RUNX3: variants seen among roughly 807,000 people sequenced by gnomAD.
RUNX3 encodes the protein RUNX family transcription factor 3, also known as runt-related transcription factor 3.
In RUNX3, 10 loss-of-function variants were observed where a neutral mutation model predicts 27.7. That is an observed-to-expected ratio of 0.36 (90% CI 0.22 to 0.61). The LOEUF is 0.61. RUNX3 is among the 20% of genes least tolerant of loss of function. The pLI is 0.72. For missense variants in RUNX3, 469 were observed against 629.5 expected, an observed-to-expected ratio of 0.75 and a Z score of 2.73; for synonymous variants, 270 against 269.2, an observed-to-expected ratio of 1.00 and a Z score of -0.03.
chr1:24,929,629 G>A lies in RUNX3; in HGVS notation c.240C>T (p.Pro80=). 1 of 1,608,986 alleles carries A rather than the reference G, an allele frequency of 6.2e-7. No individual in the cohort carries two copies. The highest frequency in any genetic ancestry group is 8.5e-7 in the Non-Finnish European group (1 of 1,179,134). Residue 80 remains proline, a synonymous_variant, in exon 1 of 5, where the codon CCC becomes CCT. Coordinates refer to ENST00000308873, the MANE Select transcript of RUNX3 (RefSeq NM_004350.3). ...DSPNFLCSVL[P]SHWRCNKTLP... is the part of the protein sequence containing the mutation. ...GCGTCTTGTTGCAGCGCCAGTGCGA[G>A]GGCAGCACGGAGCAGAGGAAGTTGG...
chr1:24,928,887 A>G, intron 1 of RUNX3: 1 of 367,636 alleles, frequency 2.7e-6, no homozygotes, highest in Non-Finnish European at 5.4e-6. Flanking sequence ...CAGCTGTGAG[A>G]GGTTTAGGGG....
upstream of RUNX3, among the ~76,000 whole-genome samples, chr1:24,934,651 A>T (rs1299618391): frequency 1.3e-5 from 2 of 152,172 alleles, no homozygotes; most frequent in Non-Finnish European, 2.9e-5. Context: ...TGCCCATGTA[A>T]GCAAAGAGGA....
intron 2 of RUNX3, among the ~76,000 whole-genome samples, chr1:24,956,994 C>T (rs371973870): frequency 2.0e-5 from 3 of 152,232 alleles, no homozygotes; most frequent in East Asian, 3.8e-4. Flanking sequence ...AAAGCTCCCC[C>T]CCACAGGGAC....
In RUNX3 at chr1:24,925,324, C is replaced by T. The variant is rs771444934; in HGVS notation, c.439+2250G>A. ...ACACCTTCTGGGTTTCCCCCACCCC[C>T]GCCCAAACCACACAGTAATCAGAGA... On this transcript the variant is annotated intron_variant, in intron 2 of 4. Coordinates refer to ENST00000308873, the MANE Select transcript of RUNX3 (RefSeq NM_004350.3). Among the ~76,000 whole-genome samples the T allele has an allele frequency of 6.0e-4, 91 of 151,964 alleles. 1 individual carries two copies. Among genetic ancestry groups the T allele is most frequent in the Non-Finnish European group, 1.6e-4 (11 of 67,986 alleles).
rs151284632 is a variant in RUNX3 at position 24,935,773 on chromosome 1, A to G, written c.59-5921T>C. The stretch of plus-strand genomic sequence containing the variant: ...CCCTAATTTTTTGAACACCTGCCGC[A>G]TGCTGGGAGTTTTCCGCCAATTGTC... On this transcript the variant is annotated intron_variant, in intron 2 of 6. Coordinates refer to the RUNX3 transcript ENST00000338888. Among the ~76,000 whole-genome samples the G allele has an allele frequency of 1.1e-4, 17 of 152,322 alleles. 1 individual carries two copies. Among genetic ancestry groups the G allele is most frequent in the African/African-American group, 4.1e-4 (17 of 41,574 alleles).
upstream of RUNX3, among the ~76,000 whole-genome samples, chr1:24,935,136 A>G (rs550375259): frequency 2.0e-5 from 3 of 152,350 alleles, no homozygotes; most frequent in East Asian, 3.9e-4. Context: ...ACCTCGAGGC[A>G]AAACGCAGTT....
At chr1:24,931,493 A>G (rs1262988373), upstream of RUNX3, among the ~76,000 whole-genome samples, 8 of 152,136 alleles carry the variant, frequency 5.3e-5, no homozygotes, top group Non-Finnish European at 1.5e-5. Flanking sequence ...ATTCCGAATT[A>G]TCGCCCCAGA....
intron 3 of RUNX3, among the ~76,000 whole-genome samples, chr1:24,910,062 A>G (rs1640767411): frequency 6.6e-6 from 1 of 152,156 alleles, no homozygotes; most frequent in Admixed American, 6.5e-5. Flanking sequence ...AGGCGGGCGG[A>G]TCACCTGAGT....
intron 2 of RUNX3, among the ~76,000 whole-genome samples, chr1:24,922,497 C>T (rs1571318346): frequency 6.6e-6 from 1 of 152,152 alleles, no homozygotes; most frequent in East Asian, 1.9e-4. Context: ...CACCAACAGA[C>T]GTCACAGATA....
intron 2 of RUNX3, among the ~76,000 whole-genome samples, chr1:24,949,404 C>T (rs1465897401): frequency 5.9e-5 from 9 of 152,170 alleles, no homozygotes; most frequent in African/African-American, 1.4e-4. Context: ...TTATTCATTC[C>T]TCCAGGAGCA....
At chr1:24,963,257 C>T (rs1642166905) in intron 2 of RUNX3, among the ~76,000 whole-genome samples, 1 of 152,252 alleles carries the variant, frequency 6.6e-6, no homozygotes. Flanking sequence ...AGGACTCAAA[C>T]ACCCAAATGT....
At chr1:24,941,579 C>G (rs1174351045) in intron 2 of RUNX3, among the ~76,000 whole-genome samples, 1 of 152,202 alleles carries the variant, frequency 6.6e-6, no homozygotes, top group Non-Finnish European at 1.5e-5. Context: ...ACCTCAGCAG[C>G]CTGATCCCAG....
Position 24,901,959 on chromosome 1 carries a change from G to GCA in RUNX3, c.*161_*162dup. On this transcript the variant is annotated 3_prime_UTR_variant, in exon 5 of 5. Transcript: ENST00000308873. ...TATGCCTCTGTACAAGGATGTGGCT[G>GCA]CACAGATGCAGCCAGAGGCTCCCAC... 1.5e-6 allele frequency: 1 copy of GCA among 656,138 alleles called. No individual in the cohort carries two copies. Among genetic ancestry groups the GCA allele is most frequent in the East Asian group, 2.7e-5 (1 of 36,450 alleles). 40.6% of individuals were successfully genotyped at this position (656,138 alleles called of 1,614,324 possible).
Position 24,927,915 on chromosome 1 carries a change from CAAG to C in RUNX3, c.283-188_283-186del, listed in dbSNP as rs1301484185. On this transcript the variant is annotated intron_variant, in intron 1 of 4. Transcript: ENST00000308873. This position sits in a 1 kb window ranked among gnomAD's most constrained non-coding sequence, Gnocchi z 5.0. The stretch of plus-strand genomic sequence containing the variant: ...GACCTTCCCCCAAATATCACGAAAA[CAAG>C]AAGATGGAATCTCGAGCTTCCACAC... Among the ~76,000 whole-genome samples the C allele has an allele frequency of 6.6e-6, 1 of 152,174 alleles. No homozygotes were observed. The highest frequency in any genetic ancestry group is 1.5e-5 in the Non-Finnish European group (1 of 68,022).
rs1430736797 is a variant in RUNX3, at chr1:24,900,176, T to G, written c.*1946A>C. 6.6e-6 allele frequency: 1 copy of G among 152,346 alleles called. No individual in the cohort carries two copies. The highest frequency in any genetic ancestry group is 2.4e-5 in the African/African-American group (1 of 41,424). The allele number at this position is 152,346 out of a possible 1,614,324, so 9.4% of individuals were successfully genotyped here. A position where few individuals can be genotyped will look rare whatever the true frequency, so the allele number is the denominator to read the frequency against. On this transcript the variant is annotated 3_prime_UTR_variant, in exon 5 of 5. Coordinates refer to ENST00000308873, the MANE Select transcript of RUNX3 (RefSeq NM_004350.3). ...CCTAAGAAGGCATGGAGAGGCCCCT[T>G]GGGTGCAGGGAGTCAGCAACTATTT...
At chr1:24,945,102 G>T (rs577136495) in intron 2 of RUNX3, among the ~76,000 whole-genome samples, 1 of 152,218 alleles carries the variant, frequency 6.6e-6, no homozygotes, top group African/African-American at 2.4e-5. Flanking sequence ...TTGCTTGCTT[G>T]GTGTTACATT....
At chr1:24,926,133 T>A (rs1209036086) in intron 2 of RUNX3, among the ~76,000 whole-genome samples, 1 of 152,180 alleles carries the variant, frequency 6.6e-6, no homozygotes, top group Non-Finnish European at 1.5e-5. Flanking sequence ...ATAGTGCTCC[T>A]GACACATACC....
chr1:24,902,871 G>A lies in RUNX3; in HGVS notation c.704-205C>T, dbSNP rs559776747. On this transcript the variant is annotated intron_variant, in intron 4 of 4. Coordinates refer to ENST00000308873, the MANE Select transcript of RUNX3 (RefSeq NM_004350.3). The surrounding 1 kb of genome is among the most constrained non-coding windows in gnomAD (Gnocchi z 9.2). Reference sequence around the variant, plus strand: ...GACCTGCCGGGAAGCTGGTTGGAGCGTGCCCCGGGCCAAGAGGGGCCATGG... The same window carrying A: ...GACCTGCCGGGAAGCTGGTTGGAGCATGCCCCGGGCCAAGAGGGGCCATGG... 2.0e-5 allele frequency among the ~76,000 whole-genome samples: 3 copies of A among 152,028 alleles called. No individual in the cohort carries two copies. Among genetic ancestry groups the A allele is most frequent in the Non-Finnish European group, 2.9e-5 (2 of 67,848 alleles).
At chr1:24,960,521 G>A (rs1014781269) in intron 2 of RUNX3, among the ~76,000 whole-genome samples, 11 of 151,944 alleles carry the variant, frequency 7.2e-5, no homozygotes, top group Admixed American at 5.9e-4. Context: ...CCCCCCCGCC[G>A]CCCCAGAGCC....
Sources: allele counts gnomAD v4.1 joint callset (sites outside exome capture counted in the v4.1 genomes callset), GRCh38; gene constraint gnomAD v4.1.1; non-coding constraint Gnocchi (gnomAD v3.1); transcripts MANE v1.5; gene names NCBI Gene and HGNC (gene_info 2026-07-23, HGNC 2026-07-21).